NPAS3: variants seen among roughly 807,000 people sequenced by gnomAD.
NPAS3 encodes neuronal PAS domain-containing protein 3.
Under a neutral mutation model 73.1 loss-of-function variants are expected in NPAS3, and 14 were observed. The observed-to-expected ratio is 0.19, with a 90% CI of 0.13 to 0.30. The LOEUF is 0.30. Ranked by LOEUF, NPAS3 falls within the 10% of genes least tolerant of loss-of-function variation. The pLI, the probability that NPAS3 is intolerant of heterozygous loss-of-function variation, is 1.00. For missense variants in NPAS3, 1,096 were observed against 1,250.0 expected, an observed-to-expected ratio of 0.88 and a Z score of 1.86; for synonymous variants, 620 against 541.5, an observed-to-expected ratio of 1.14 and a Z score of -2.01.
intron 5 of NPAS3, among the ~76,000 whole-genome samples, chr14:33,635,441 A>ATACCT (rs2058487583): frequency 6.6e-6 from 1 of 152,180 alleles, no homozygotes; most frequent in Non-Finnish European, 1.5e-5. Flanking sequence ...GGAATTTTAG[A>ATACCT]CTAGAAGAGA....
rs138495383 is a variant in NPAS3 at position 33,002,087 on chromosome 14, A to G, written c.51-53818A>G. Among the ~76,000 whole-genome samples, 102 of 152,156 alleles carry G rather than the reference A, an allele frequency of 6.7e-4. 2 individuals carry two copies. In the East Asian group the frequency reaches 0.017, roughly 25 times the overall value. ...CTCATGAAACCTCACACACAAACAC[A>G]TTGTCTCCCAGTAATACTTCACTTG... On this transcript the variant is annotated intron_variant, in intron 1 of 11. Transcript: ENST00000356141.
At chr14:33,228,821 C>T (rs531645557) in intron 3 of NPAS3, among the ~76,000 whole-genome samples, 7 of 151,970 alleles carry the variant, frequency 4.6e-5, no homozygotes, top group African/African-American at 7.3e-5. Flanking sequence ...GGATGATTAA[C>T]GCGAAAGGAG....
intron 6 of NPAS3, among the ~76,000 whole-genome samples, chr14:33,685,209 G>A (rs1171623463): frequency 6.6e-6 from 1 of 152,142 alleles, no homozygotes; most frequent in African/African-American, 2.4e-5. Flanking sequence ...GGGGACAGAT[G>A]AGTAACACAA....
At chr14:33,244,474 G>A (rs2048312962) in intron 3 of NPAS3, among the ~76,000 whole-genome samples, 1 of 151,412 alleles carries the variant, frequency 6.6e-6, no homozygotes, top group South Asian at 2.1e-4. Context: ...TGTGGCTTCT[G>A]CTATCTTGGA....
intron 7 of NPAS3, among the ~76,000 whole-genome samples, chr14:33,750,407 G>T (rs1041611147): frequency 8.5e-5 from 13 of 152,090 alleles, no homozygotes; most frequent in African/African-American, 3.1e-4. Flanking sequence ...GCTGAACGAG[G>T]CATATGCTGA....
At chr14:33,770,300 T>C (rs1033126862) in intron 7 of NPAS3, among the ~76,000 whole-genome samples, 2 of 152,196 alleles carry the variant, frequency 1.3e-5, no homozygotes, top group Admixed American at 1.3e-4. Flanking sequence ...TGCTGGACTG[T>C]AACCCAATCC....
At chr14:33,353,322 C>T (rs546852999) in intron 3 of NPAS3, among the ~76,000 whole-genome samples, 1 of 152,166 alleles carries the variant, frequency 6.6e-6, no homozygotes. Context: ...TTAATAATCA[C>T]TTGCAATACT....
intron 5 of NPAS3, among the ~76,000 whole-genome samples, chr14:33,655,490 A>G (rs534617951): frequency 4.6e-5 from 7 of 152,012 alleles, no homozygotes; most frequent in Non-Finnish European, 8.8e-5. Context: ...ACTTAACAGC[A>G]CTTTTCTACT....
chr14:33,152,480 A>C (rs1407539986), intron 2 of NPAS3, among the ~76,000 whole-genome samples: 2 of 151,974 alleles, frequency 1.3e-5, no homozygotes, highest in African/African-American at 4.8e-5. Flanking sequence ...TGTGGTTCCC[A>C]TTTCTTTTTT....
At chr14:33,169,536 C>G (rs2045306469) in intron 2 of NPAS3, among the ~76,000 whole-genome samples, 1 of 152,200 alleles carries the variant, frequency 6.6e-6, no homozygotes, top group South Asian at 2.1e-4. Context: ...CCACTGTACT[C>G]CAGCCTGGGT....
chr14:33,401,164 C>A (rs1021702913), intron 4 of NPAS3, among the ~76,000 whole-genome samples: 1 of 152,102 alleles, frequency 6.6e-6, no homozygotes, highest in Non-Finnish European at 1.5e-5. Flanking sequence ...CTGTGCTGTA[C>A]CTTGCAATAT....
intron 2 of NPAS3, among the ~76,000 whole-genome samples, chr14:33,136,822 A>T (rs1221110901): frequency 6.6e-6 from 1 of 152,238 alleles, no homozygotes; most frequent in African/African-American, 2.4e-5. Flanking sequence ...TGTTACAAAG[A>T]TGATGGGAGC....
At chr14:33,606,653 A>G (rs1437080563) in intron 5 of NPAS3, among the ~76,000 whole-genome samples, 1 of 152,180 alleles carries the variant, frequency 6.6e-6, no homozygotes, top group Non-Finnish European at 1.5e-5. Context: ...CTAGAAGAAA[A>G]CGTGAGAAAA....
intron 2 of NPAS3, among the ~76,000 whole-genome samples, chr14:33,170,137 C>T (rs1464296890): frequency 6.6e-6 from 1 of 152,042 alleles, no homozygotes; most frequent in African/African-American, 2.4e-5. Flanking sequence ...ACAGGCATAC[C>T]TTAGAGATAA....
At chr14:33,599,663 G>A (rs558050554) in intron 5 of NPAS3, among the ~76,000 whole-genome samples, 2 of 152,170 alleles carry the variant, frequency 1.3e-5, no homozygotes, top group African/African-American at 4.8e-5. Context: ...ATGGATATTA[G>A]CGTGAAGTCA....
intron 5 of NPAS3, among the ~76,000 whole-genome samples, chr14:33,631,522 G>T (rs375659811): frequency 5.9e-5 from 9 of 152,144 alleles, no homozygotes; most frequent in Non-Finnish European, 8.8e-5. Context: ...AAGTACAGCT[G>T]GGAAGAGCAC....
At chr14:33,194,801 A>G (rs576803479) in intron 2 of NPAS3, among the ~76,000 whole-genome samples, 3 of 152,246 alleles carry the variant, frequency 2.0e-5, no homozygotes, top group South Asian at 2.1e-4. Flanking sequence ...CAGGTTTTCA[A>G]TGGCTAAAAT....
intron 4 of NPAS3, among the ~76,000 whole-genome samples, chr14:33,454,160 G>A (rs1303839567): frequency 6.6e-6 from 1 of 152,148 alleles, no homozygotes; most frequent in African/African-American, 2.4e-5. Flanking sequence ...CATAACAACA[G>A]ATGGATTGTT....
intron 4 of NPAS3, among the ~76,000 whole-genome samples, chr14:33,373,798 A>G (rs1456034559): frequency 6.6e-6 from 1 of 152,130 alleles, no homozygotes; most frequent in Admixed American, 6.5e-5. Flanking sequence ...CCCAAACCTG[A>G]AAGAGAATTC....
Sources: gnomAD v4.1 joint callset for allele counts (sites outside exome capture counted in the v4.1 genomes callset) on GRCh38, gnomAD v4.1.1 for gene constraint, MANE v1.5 for transcripts, NCBI Gene and HGNC (gene_info 2026-07-23, HGNC 2026-07-21) for gene names.